NEBL: variants seen among roughly 807,000 people sequenced by gnomAD.
NEBL encodes LIM and SH3 protein 2.
A neutral mutation model predicts 140.2 loss-of-function variants in NEBL; 122 were observed. That is an observed-to-expected ratio of 0.87 (90% CI 0.75 to 1.01). The LOEUF (loss-of-function observed/expected upper bound fraction) is 1.01, where lower values mean the gene tolerates loss of function less well. NEBL is among the 50% of genes least tolerant of loss of function. NEBL has a pLI of 0.00. For synonymous variants in NEBL, 436 were observed against 398.9 expected (o/e 1.09, Z -1.11); for missense variants, 1,365 against 1,231.3 (o/e 1.11, Z -1.62).
chr10:20,919,538 A>G (rs1265712970), intron 4 of NEBL, among the ~76,000 whole-genome samples: 1 of 152,236 alleles, frequency 6.6e-6, no homozygotes, highest in African/African-American at 2.4e-5. Context: ...AATGAGATAA[A>G]CAGTCCAGAG....
rs78953370 is a variant in NEBL at position 21,194,739 on chromosome 10, A to G, written n.349-22262T>C. ...GCACAATCCAATTACATCAGCCAACAAATTCCTTTCAGTTTTGCATAAGCT... is the reference window on the plus strand; with the variant it reads ...GCACAATCCAATTACATCAGCCAACGAATTCCTTTCAGTTTTGCATAAGCT... On this transcript the variant is annotated intron_variant and non_coding_transcript_variant, in intron 3 of 8. Transcript: ENST00000675702. 8.1e-3 allele frequency among the ~76,000 whole-genome samples: 1,235 copies of G among 152,246 alleles called. 20 individuals are homozygous for G. The highest frequency in any genetic ancestry group is 0.027 in the African/African-American group (1,140 of 41,530).
At chr10:21,105,061 T>C (rs995413919) in intron 2 of NEBL, among the ~76,000 whole-genome samples, 1 of 152,208 alleles carries the variant, frequency 6.6e-6, no homozygotes, top group Admixed American at 6.5e-5. Flanking sequence ...CCTGAATTCT[T>C]GGAAGAAACC....
chr10:20,855,822 A>G (rs1384149494), intron 9 of NEBL, among the ~76,000 whole-genome samples: 4 of 152,184 alleles, frequency 2.6e-5, no homozygotes, highest in East Asian at 1.9e-4. Flanking sequence ...TGATGTTGCT[A>G]AAGACATCTA....
chr10:21,083,322 T>G (rs548193874), intron 2 of NEBL, among the ~76,000 whole-genome samples: 57 of 152,322 alleles, frequency 3.7e-4, no homozygotes, highest in East Asian at 7.7e-4. Context: ...AGTTGTTGTA[T>G]TTGACTATCC....
intron 2 of NEBL, among the ~76,000 whole-genome samples, chr10:21,108,856 A>G (rs180887400): frequency 5.3e-5 from 8 of 152,240 alleles, no homozygotes; most frequent in African/African-American, 1.2e-4. Context: ...TTGGGTGCAT[A>G]TATATTTAGG....
chr10:21,265,263 T>G (rs1842785396), intron 1 of NEBL, among the ~76,000 whole-genome samples: 1 of 152,136 alleles, frequency 6.6e-6, no homozygotes, highest in Non-Finnish European at 1.5e-5. Flanking sequence ...GGAGCCCTCA[T>G]GATCTAATCA....
chr10:20,805,051 G>A (rs1837479271), intron 26 of NEBL, among the ~76,000 whole-genome samples: 1 of 152,176 alleles, frequency 6.6e-6, no homozygotes, highest in African/African-American at 2.4e-5. Context: ...CAAGCACTCA[G>A]ATTCTGGATA....
At chr10:21,224,070 A>G (rs1259273994) in intron 3 of NEBL, among the ~76,000 whole-genome samples, 1 of 152,120 alleles carries the variant, frequency 6.6e-6, no homozygotes, top group Non-Finnish European at 1.5e-5. Flanking sequence ...TTTGGTTGCC[A>G]GTGCATGTGG....
chr10:21,073,178 C>T (rs1835895842), intron 2 of NEBL, among the ~76,000 whole-genome samples: 1 of 152,122 alleles, frequency 6.6e-6, no homozygotes, highest in South Asian at 2.1e-4. Flanking sequence ...CTTCATTCAT[C>T]AGGGCGCAGT....
chr10:20,825,427 C>T (rs1227067587), intron 18 of NEBL, among the ~76,000 whole-genome samples: 3 of 151,986 alleles, frequency 2.0e-5, no homozygotes, highest in Non-Finnish European at 4.4e-5. Flanking sequence ...GAGGCTGAAG[C>T]GGGAGGATCA....
At chr10:20,917,774 G>A (rs769934751) in intron 4 of NEBL, among the ~76,000 whole-genome samples, 4 of 152,140 alleles carry the variant, frequency 2.6e-5, no homozygotes, top group Non-Finnish European at 4.4e-5. Flanking sequence ...GTCCATAATT[G>A]TTCTATTTTA....
intron 13 of NEBL, among the ~76,000 whole-genome samples, chr10:20,837,456 AAAAGTTGG>A (rs1439974510): frequency 1.2e-4 from 19 of 152,316 alleles, no homozygotes; most frequent in Middle Eastern, 3.4e-3. Flanking sequence ...GCTGCACAAG[AAAAGTTGG>A]AAACTAGCAG....
At chr10:21,134,604 A>G (rs1839266221) in intron 2 of NEBL, among the ~76,000 whole-genome samples, 1 of 152,228 alleles carries the variant, frequency 6.6e-6, no homozygotes, top group Non-Finnish European at 1.5e-5. Context: ...ACAAGTTTCC[A>G]TTCAAAAGTG....
chr10:20,851,258 A>C (rs1842483619), intron 10 of NEBL, among the ~76,000 whole-genome samples: 1 of 152,284 alleles, frequency 6.6e-6, no homozygotes, highest in East Asian at 1.9e-4. Context: ...TCTTGATAAA[A>C]TTTATGTTTA....
At chr10:20,880,090 C>T (rs1403853021) in intron 5 of NEBL, among the ~76,000 whole-genome samples, 1 of 152,148 alleles carries the variant, frequency 6.6e-6, no homozygotes, top group African/African-American at 2.4e-5. Context: ...AGGCCAGGCA[C>T]GGTGGCTCGT....
chr10:21,078,589 G>A (rs1279483384), intron 2 of NEBL, among the ~76,000 whole-genome samples: 1 of 152,102 alleles, frequency 6.6e-6, no homozygotes, highest in African/African-American at 2.4e-5. Flanking sequence ...TAAATGACCT[G>A]TATACACGTA....
intron 19 of NEBL, among the ~76,000 whole-genome samples, chr10:20,820,378 G>T (rs576776826): frequency 3.5e-4 from 53 of 152,296 alleles, no homozygotes; most frequent in African/African-American, 1.2e-3. Context: ...AATGGCAAAT[G>T]AACTTTTGGC....
At chr10:20,939,273 C>A (rs1206043197) in intron 4 of NEBL, among the ~76,000 whole-genome samples, 1 of 152,132 alleles carries the variant, frequency 6.6e-6, no homozygotes, top group Admixed American at 6.6e-5. Flanking sequence ...GAGTGGGGGC[C>A]AATATTCAAC....
In NEBL at chr10:20,942,266, G is replaced by T. The variant is rs185895634; in HGVS notation, c.357+19406C>A. Among the ~76,000 whole-genome samples the T allele has an allele frequency of 3.4e-3, 517 of 152,236 alleles. 1 individual carries two copies. Among genetic ancestry groups the T allele is most frequent in the Admixed American group, 5.2e-3 (79 of 15,288 alleles). Reference sequence around the variant, plus strand: ...ATATAGACAAATGGAACAGAACAGAGCCCTCAGAAATAATGCCGCATATCT... The same window carrying T: ...ATATAGACAAATGGAACAGAACAGATCCCTCAGAAATAATGCCGCATATCT... On this transcript the variant is annotated intron_variant, in intron 4 of 6. Coordinates refer to the NEBL transcript ENST00000417816.
Sources: gnomAD v4.1 joint callset for allele counts (sites outside exome capture counted in the v4.1 genomes callset) on GRCh38, gnomAD v4.1.1 for gene constraint, MANE v1.5 for transcripts, NCBI Gene and HGNC (gene_info 2026-07-23, HGNC 2026-07-21) for gene names.